SGIP1: variants seen among roughly 807,000 people sequenced by gnomAD.
SGIP1 encodes SH3GL interacting endocytic adaptor 1, also known as SH3-containing GRB2-like protein 3-interacting protein 1.
SGIP1 carries 38 observed loss-of-function variants against 107.5 expected under a neutral mutation model. The ratio of observed to expected loss-of-function variants is 0.35; its 90% CI spans 0.27 to 0.46. SGIP1 has a LOEUF of 0.46. Among genes scored for constraint, SGIP1 ranks in the 20% least tolerant of loss-of-function variants. The pLI is 1.00. For synonymous variants in SGIP1, 365 were observed against 366.1 expected (o/e 1.00, Z 0.03); for missense variants, 929 against 1,019.5 (o/e 0.91, Z 1.21).
chr1:66,562,606 G>A (rs1020501941), intron 1 of SGIP1, among the ~76,000 whole-genome samples: 11 of 152,198 alleles, frequency 7.2e-5, no homozygotes, highest in Admixed American at 3.3e-4. Flanking sequence ...GCTTAGGACC[G>A]AAACTTCTTG....
intron 22 of SGIP1, 32 bp from the exon 23 acceptor site, chr1:66,740,626 A>C (rs769363860): frequency 1.4e-6 from 2 of 1,457,792 alleles, no homozygotes; most frequent in African/African-American, 2.8e-5. Context: ...ACTCTTGGAT[A>C]TGCAAAAACC....
At chr1:66,557,201 G>C (rs1001977643) in intron 1 of SGIP1, among the ~76,000 whole-genome samples, 1 of 152,054 alleles carries the variant, frequency 6.6e-6, no homozygotes, top group Non-Finnish European at 1.5e-5. Flanking sequence ...AGGGATTCTT[G>C]TCCAATGTCA....
intron 1 of SGIP1, among the ~76,000 whole-genome samples, chr1:66,589,803 C>A (rs981563601): frequency 1.3e-5 from 2 of 152,132 alleles, no homozygotes; most frequent in African/African-American, 4.8e-5. Flanking sequence ...CTATACAAAT[C>A]TCAAATATTT....
At chr1:66,560,869 T>C (rs2058834770) in intron 1 of SGIP1, among the ~76,000 whole-genome samples, 1 of 152,084 alleles carries the variant, frequency 6.6e-6, no homozygotes, top group African/African-American at 2.4e-5. Flanking sequence ...AGGATAAGAA[T>C]AGCATCTACC....
chr1:66,720,923 C>T (rs1034872998), intron 19 of SGIP1, among the ~76,000 whole-genome samples: 142 of 152,016 alleles, frequency 9.3e-4, no homozygotes, highest in African/African-American at 3.2e-3. Flanking sequence ...TAGTTTTAGA[C>T]GTAAAACTCG....
At chr1:66,667,815 ATG>A (rs922451765) in intron 9 of SGIP1, among the ~76,000 whole-genome samples, 28 of 151,500 alleles carry the variant, frequency 1.8e-4, no homozygotes, top group Middle Eastern at 3.4e-3. Context: ...GTGTGTATAT[ATG>A]TGTGTGTGTG....
intron 1 of SGIP1, among the ~76,000 whole-genome samples, chr1:66,556,327 C>T (rs943774105): frequency 6.6e-6 from 1 of 152,104 alleles, no homozygotes; most frequent in African/African-American, 2.4e-5. Flanking sequence ...TCTGAAATGC[C>T]ACAAGGCTAA....
chr1:66,739,206 A>G, intron 21 of SGIP1, 129 bp from the exon 22 acceptor site: 1 of 971,314 alleles, frequency 1.0e-6, no homozygotes, highest in Admixed American at 2.1e-5. Context: ...CAGCTCTCTC[A>G]CAGCACGCTT....
intron 18 of SGIP1, among the ~76,000 whole-genome samples, chr1:66,698,675 G>A (rs2091401766): frequency 6.6e-6 from 1 of 151,898 alleles, no homozygotes; most frequent in Admixed American, 6.6e-5. Context: ...ACGGCGCCCG[G>A]CCCAAATGGT....
Position 66,682,387 on chromosome 1 carries a change from G to C in SGIP1, c.1315+18G>C, listed in dbSNP as rs769932361. ...CACCAGTGGTATGTCTTATGCTTGA[G>C]TGTGCTTCTTGTGACGGGGAATGGC... On this transcript the variant is annotated intron_variant, in intron 15 of 24. Transcript: ENST00000371037. 223 of 1,587,712 alleles carry C rather than the reference G, an allele frequency of 1.4e-4. No homozygotes were observed. The highest frequency in any genetic ancestry group is 1.8e-4 in the Non-Finnish European group (216 of 1,171,614).
chr1:66,644,772 T>C (rs542812340), intron 7 of SGIP1, among the ~76,000 whole-genome samples: 5 of 152,208 alleles, frequency 3.3e-5, no homozygotes, highest in African/African-American at 1.2e-4. Flanking sequence ...TGATCACTAC[T>C]GTTGGTAACA....
chr1:66,679,062 T>C (rs2086034991), intron 13 of SGIP1, among the ~76,000 whole-genome samples: 1 of 152,226 alleles, frequency 6.6e-6, no homozygotes, highest in Admixed American at 6.5e-5. Flanking sequence ...TGATACTTGA[T>C]TTGGCTGTAA....
chr1:66,606,337 T>C (rs575435615), intron 1 of SGIP1, among the ~76,000 whole-genome samples: 64 of 152,370 alleles, frequency 4.2e-4, no homozygotes, highest in African/African-American at 1.5e-3. Context: ...CAGTAGGAAC[T>C]ATGTCTGTTT....
intron 1 of SGIP1, among the ~76,000 whole-genome samples, chr1:66,572,866 C>T (rs11806387): frequency 0.17 from 26,113 of 151,946 alleles, 2,677 homozygotes; most frequent in East Asian, 0.45. Flanking sequence ...AAATATTATT[C>T]AGCAATTAAA....
At chr1:66,534,026 C>G, upstream of SGIP1, 1 of 413,044 alleles carries the variant, frequency 2.4e-6, no homozygotes, top group Non-Finnish European at 4.4e-6. Context: ...GTGTGCTCTC[C>G]GGGGGTATTG....
rs1455583177 is a variant in SGIP1 at position 66,660,514 on chromosome 1, GGAAAAGTCCGGTAA to G, written c.466_471+8del. The G allele has an allele frequency of 6.2e-6, 10 of 1,610,556 alleles. No individual in the cohort carries two copies. The Admixed American group carries it at 1.0e-4, about 16-fold the overall frequency. On this transcript the variant is annotated splice_donor_variant and splice_donor_region_variant and coding_sequence_variant and intron_variant, in exon 8 of 25. Coordinates refer to ENST00000371037, the MANE Select transcript of SGIP1 (RefSeq NM_032291.4). LOFTEE classifies it high-confidence loss of function. ...TCCTCCCCATGCCTACGCTTTTAGA[GGAAAAGTCCGGTAA>G]GAAATAAGTCCTTCCCGCTTTTGGG...
chr1:66,650,480 C>T (rs1021620497), intron 7 of SGIP1, among the ~76,000 whole-genome samples: 9 of 152,112 alleles, frequency 5.9e-5, no homozygotes, highest in African/African-American at 2.2e-4. Context: ...CAACCAGAAG[C>T]TGAAATTTTT....
At chr1:66,679,387 G>A (rs1400289164) in intron 13 of SGIP1, among the ~76,000 whole-genome samples, 1 of 152,112 alleles carries the variant, frequency 6.6e-6, no homozygotes, top group Non-Finnish European at 1.5e-5. Context: ...GTAGGACGTA[G>A]TTGCTGCTTG....
At chr1:66,611,238 G>C (rs1367880629) in intron 1 of SGIP1, among the ~76,000 whole-genome samples, 1 of 152,248 alleles carries the variant, frequency 6.6e-6, no homozygotes. Flanking sequence ...GCTAACCTGT[G>C]AGATAAGATC....
Sources: gnomAD v4.1 joint callset for allele counts (sites outside exome capture counted in the v4.1 genomes callset) on GRCh38, gnomAD v4.1.1 for gene constraint, MANE v1.5 for transcripts, NCBI Gene and HGNC (gene_info 2026-07-23, HGNC 2026-07-21) for gene names.